The following VPS13A variants were observed in gnomAD, a reference collection of about 807,000 sequenced individuals.
VPS13A encodes the protein vacuolar protein sorting 13 homolog A, also known as intermembrane lipid transfer protein VPS13A.
VPS13A carries 264 observed loss-of-function variants against 390.9 expected under a neutral mutation model. The observed-to-expected ratio is 0.68, with a 90% CI of 0.61 to 0.75. The LOEUF is 0.75. Ranked by LOEUF, VPS13A falls within the 30% of genes least tolerant of loss-of-function variation. The pLI is 0.00. For missense variants in VPS13A, 3,409 were observed against 3,733.9 expected (o/e 0.91, Z 2.27); for synonymous variants, 1,231 against 1,227.1 (o/e 1.00, Z -0.07).
intron 71 of VPS13A, 106 bp from the exon 72 acceptor site, chr9:77,415,850 C>A: frequency 3.0e-6 from 4 of 1,330,922 alleles, no homozygotes; most frequent in East Asian, 2.4e-5. Flanking sequence ...GTCAGTATTA[C>A]ACCTAACTAA....
At position 77,405,871 on chromosome 9, in the gene VPS13A, T is replaced by C; in HGVS notation, c.9283T>C (p.Leu3095=). 1 of 1,613,658 alleles carries C rather than the reference T, an allele frequency of 6.2e-7. No homozygotes were observed. The highest frequency in any genetic ancestry group is 1.1e-5 in the South Asian group (1 of 91,086). ...DMLMITRRGV[L]FVTKGTFGQL... ...TTGTTTTTCTTTTTGCAGTGGTGTA[T>C]TGTTTGTAACAAAGGGAACATTTGG... is the stretch of plus-strand genomic sequence containing the variant. The change falls in exon 70 of 72, where the codon TTG becomes CTG. Residue 3095 remains leucine (L), a synonymous_variant. Coordinates refer to ENST00000360280, the MANE Select transcript of VPS13A (RefSeq NM_033305.3).
chr9:77,296,356 A>G (rs914488575), intron 33 of VPS13A, among the ~76,000 whole-genome samples: 1 of 152,138 alleles, frequency 6.6e-6, no homozygotes, highest in South Asian at 2.1e-4. Flanking sequence ...GAGCTTTTAT[A>G]CTGTGTCCTC....
At chr9:77,399,934 A>C (rs973229684) in intron 68 of VPS13A, among the ~76,000 whole-genome samples, 3 of 152,160 alleles carry the variant, frequency 2.0e-5, no homozygotes, top group African/African-American at 7.2e-5. Flanking sequence ...TTTATTTACT[A>C]TATCTTATAC....
At chr9:77,385,250 A>G (rs1833632011) in intron 68 of VPS13A, 2 of 763,336 alleles carry the variant, frequency 2.6e-6, no homozygotes, top group Non-Finnish European at 3.2e-6. Flanking sequence ...TATTATAAAA[A>G]ACAGTCATGG....
intron 45 of VPS13A, among the ~76,000 whole-genome samples, chr9:77,325,418 T>TA (rs1032906578): frequency 2.6e-5 from 4 of 151,734 alleles, no homozygotes; most frequent in Non-Finnish European, 4.4e-5. Context: ...TTTTTTTTTT[T>TA]TAACATAATC....
In VPS13A at chr9:77,340,209, C is replaced by T; in HGVS notation, c.6806C>T (p.Ser2269Phe). 1 of 1,613,008 alleles carries T rather than the reference C, an allele frequency of 6.2e-7. No individual in the cohort carries two copies. The change falls in exon 49 of 72, where the codon TCC becomes TTC. Residue 2269 changes from serine to phenylalanine, a missense_variant. Around this residue, in one of 5 missense-constraint regions of VPS13A, gnomAD observed 2,717 missense variants for 2,917.4 expected, o/e 0.93. Coordinates refer to ENST00000360280, the MANE Select transcript of VPS13A (RefSeq NM_033305.3). ...VQLMVTDSEL[S>F]NQFSIDTVGS... ...CTTATGGTAACTGATAGTGAGTTGT[C>T]CAATCAGTTTTCAATTGATACTGTT...
At chr9:77,282,053 AG>A in intron 28 of VPS13A, 67 bp from the exon 29 acceptor site, 1 of 1,476,680 alleles carries the variant, frequency 6.8e-7, no homozygotes, top group Non-Finnish European at 9.4e-7. Context: ...CACAAAGCAT[AG>A]TGCCTTGTAG....
intron 4 of VPS13A, 56 bp from the exon 5 acceptor site, chr9:77,205,922 A>C: frequency 2.1e-4 from 235 of 1,126,276 alleles, no homozygotes; most frequent in East Asian, 3.2e-4. Context: ...TTTTTTTGGA[A>C]TGACTATATT....
intron 27 of VPS13A, among the ~76,000 whole-genome samples, chr9:77,281,190 C>T (rs1217885612): frequency 3.3e-5 from 5 of 151,930 alleles, no homozygotes; most frequent in Non-Finnish European, 7.4e-5. Context: ...TACAAAGTTC[C>T]AGATAGACAG....
chr9:77,339,820 AAGC>A lies in VPS13A; in HGVS notation c.6686_6688del (p.Ala2229del). On this transcript the variant is annotated inframe_deletion, in exon 48 of 72. Coordinates refer to ENST00000360280, the MANE Select transcript of VPS13A (RefSeq NM_033305.3). ...AAAACTGGCCGCATGTTACAGTACA[AAGC>A]AGACGGAATTCATCGAAAGCATCCA... 6.2e-7 allele frequency: 1 copy of A among 1,614,036 alleles called. No homozygotes were observed.
At chr9:77,408,722 G>C (rs1029888220) in intron 71 of VPS13A, among the ~76,000 whole-genome samples, 2 of 152,134 alleles carry the variant, frequency 1.3e-5, no homozygotes, top group Admixed American at 6.5e-5. Context: ...TGAGATCAAA[G>C]TGCAAGGCAG....
At chr9:77,286,304 C>CTT (rs1225520340) in intron 31 of VPS13A, among the ~76,000 whole-genome samples, 3 of 152,178 alleles carry the variant, frequency 2.0e-5, no homozygotes, top group Non-Finnish European at 4.4e-5. Context: ...CACAACAAAA[C>CTT]ACCCTCGAGG....
chr9:77,181,757 C>G (rs1319765673), intron 1 of VPS13A, among the ~76,000 whole-genome samples: 6 of 152,100 alleles, frequency 3.9e-5, no homozygotes, highest in African/African-American at 1.4e-4. Context: ...CTTTGGAAAT[C>G]AGAATGCATT....
intron 45 of VPS13A, among the ~76,000 whole-genome samples, chr9:77,327,492 A>G (rs1830071692): frequency 6.6e-6 from 1 of 152,144 alleles, no homozygotes; most frequent in Non-Finnish European, 1.5e-5. Context: ...TGAAATTCTT[A>G]GTTCTCATGT....
chr9:77,213,466 T>A (rs1350438930), intron 9 of VPS13A, 152 bp downstream of exon 9: 26 of 654,118 alleles, frequency 4.0e-5, no homozygotes, highest in Non-Finnish European at 3.7e-5. Context: ...TGTGTGTAAC[T>A]ATACACAAAC....
At chr9:77,294,772 C>T (rs1232203599) in intron 32 of VPS13A, among the ~76,000 whole-genome samples, 1 of 152,098 alleles carries the variant, frequency 6.6e-6, no homozygotes, top group Non-Finnish European at 1.5e-5. Context: ...TGGCGTGCTC[C>T]TAGCTCACTG....
chr9:77,210,536 A>C, intron 6 of VPS13A, 80 bp from the exon 7 acceptor site: 1 of 1,394,340 alleles, frequency 7.2e-7, no homozygotes, highest in Non-Finnish European at 1.0e-6. Flanking sequence ...GAGCCGCTGC[A>C]CATTGACAGT....
chr9:77,256,988 T>C (rs1825484332), intron 22 of VPS13A, among the ~76,000 whole-genome samples: 1 of 152,188 alleles, frequency 6.6e-6, no homozygotes, highest in African/African-American at 2.4e-5. Context: ...TATATTTACA[T>C]TTAAAGTAAA....
chr9:77,227,595 T>A, intron 16 of VPS13A, 110 bp downstream of exon 16: 2 of 849,128 alleles, frequency 2.4e-6, no homozygotes, highest in Non-Finnish European at 1.9e-6. Context: ...TGATCTCTGC[T>A]GCCAGCCTTA....
Sources: gnomAD v4.1 joint callset for allele counts (sites outside exome capture counted in the v4.1 genomes callset) on GRCh38, gnomAD v4.1.1 for gene constraint, gnomAD v4.1.1 regional missense constraint, MANE v1.5 for transcripts, NCBI Gene and HGNC (gene_info 2026-07-23, HGNC 2026-07-21) for gene names.